Variants in KHDRBS2 observed in about 807,000 individuals in gnomAD.
KHDRBS2 encodes KH RNA binding domain containing, signal transduction associated 2.
A neutral mutation model predicts 44.3 loss-of-function variants in KHDRBS2; 26 were observed. That is an observed-to-expected ratio of 0.59 (90% CI 0.43 to 0.81). KHDRBS2 has a LOEUF of 0.81. Ranked by LOEUF, KHDRBS2 falls within the 40% of genes least tolerant of loss-of-function variation. KHDRBS2 has a pLI of 0.00. For missense variants in KHDRBS2, 476 were observed against 433.1 expected, an observed-to-expected ratio of 1.10 and a Z score of -0.88; for synonymous variants, 194 against 151.1, an observed-to-expected ratio of 1.28 and a Z score of -2.08.
intron 2 of KHDRBS2, among the ~76,000 whole-genome samples, chr6:62,059,848 GTAAA>G (rs1385038419): frequency 6.6e-6 from 1 of 151,520 alleles, no homozygotes; most frequent in South Asian, 2.1e-4. Context: ...AGGAAGAAGG[GTAAA>G]TAATTTCTGG....
chr6:62,184,329 G>A (rs1365331279), intron 1 of KHDRBS2, among the ~76,000 whole-genome samples: 1 of 151,634 alleles, frequency 6.6e-6, no homozygotes, highest in Non-Finnish European at 1.5e-5. Flanking sequence ...TCACGAGAAA[G>A]ATAGAAAATT....
At chr6:61,913,722 G>A (rs1292103659) in intron 4 of KHDRBS2, among the ~76,000 whole-genome samples, 1 of 151,966 alleles carries the variant, frequency 6.6e-6, no homozygotes, top group Non-Finnish European at 1.5e-5. Flanking sequence ...GGCTGGTTTA[G>A]ATGGGAAGTC....
intron 4 of KHDRBS2, among the ~76,000 whole-genome samples, chr6:61,976,703 G>T (rs1261888682): frequency 2.0e-5 from 3 of 152,042 alleles, no homozygotes; most frequent in South Asian, 2.1e-4. Flanking sequence ...GAAGCTTTGA[G>T]AATTTAAATG....
intron 7 of KHDRBS2, among the ~76,000 whole-genome samples, chr6:61,704,665 T>C (rs1156440357): frequency 6.6e-6 from 1 of 151,846 alleles, no homozygotes; most frequent in African/African-American, 2.4e-5. Flanking sequence ...GAGGGAAGCA[T>C]GATTATATTT....
chr6:61,994,016 G>T (rs1776708111), intron 3 of KHDRBS2, among the ~76,000 whole-genome samples: 1 of 152,106 alleles, frequency 6.6e-6, no homozygotes, highest in Non-Finnish European at 1.5e-5. Flanking sequence ...CCTGAGGCTG[G>T]ATCCTGATCT....
chr6:61,724,103 C>T (rs1322847114), intron 7 of KHDRBS2, among the ~76,000 whole-genome samples: 1 of 152,132 alleles, frequency 6.6e-6, no homozygotes, highest in East Asian at 1.9e-4. Flanking sequence ...GCCTATCAGA[C>T]TAGTGGAGAA....
At chr6:61,992,165 C>A (rs114789195) in intron 3 of KHDRBS2, among the ~76,000 whole-genome samples, 215 of 152,240 alleles carry the variant, frequency 1.4e-3, no homozygotes, top group Non-Finnish European at 2.6e-3. Flanking sequence ...CAAACTTGAT[C>A]ATATTAGTTC....
intron 2 of KHDRBS2, among the ~76,000 whole-genome samples, chr6:62,067,424 A>G (rs988942299): frequency 1.3e-5 from 2 of 151,492 alleles, no homozygotes; most frequent in African/African-American, 4.8e-5. Context: ...ACTAATTAAG[A>G]GCTCTGCTGA....
intron 3 of KHDRBS2, among the ~76,000 whole-genome samples, chr6:62,021,702 G>C (rs1477287882): frequency 6.6e-6 from 1 of 151,402 alleles, no homozygotes; most frequent in African/African-American, 2.4e-5. Flanking sequence ...GAAAATCAAA[G>C]ATCTTTTGAT....
the KHDRBS2 span, among the ~76,000 whole-genome samples, chr6:61,573,465 A>C: frequency 6.6e-6 from 1 of 152,146 alleles, no homozygotes; most frequent in Non-Finnish European, 1.5e-5. Flanking sequence ...AACTAGAAAA[A>C]AAAGAAACAA....
chr6:62,071,013 A>C (rs1296513011), intron 2 of KHDRBS2, among the ~76,000 whole-genome samples: 11 of 151,832 alleles, frequency 7.2e-5, no homozygotes, highest in East Asian at 5.8e-4. Flanking sequence ...TGTTTCCTGA[A>C]TTTTTAATGA....
the KHDRBS2 span, among the ~76,000 whole-genome samples, chr6:61,559,517 A>C: frequency 1.3e-5 from 2 of 152,256 alleles, no homozygotes; most frequent in South Asian, 2.1e-4. Context: ...ATTTTAAAGA[A>C]GGTAATTTTC....
intron 2 of KHDRBS2, among the ~76,000 whole-genome samples, chr6:62,065,674 C>T (rs1395775575): frequency 1.4e-5 from 2 of 146,432 alleles, no homozygotes; most frequent in African/African-American, 5.0e-5. Flanking sequence ...GGGAGATATA[C>T]CTAATGCTAG....
At chr6:62,281,508 T>A (rs1841795338) in intron 1 of KHDRBS2, among the ~76,000 whole-genome samples, 1 of 152,082 alleles carries the variant, frequency 6.6e-6, no homozygotes, top group African/African-American at 2.4e-5. Context: ...TAATCCCAGC[T>A]ACTTGGGAGG....
intron 6 of KHDRBS2, among the ~76,000 whole-genome samples, chr6:61,848,384 A>G (rs1034346819): frequency 2.7e-5 from 4 of 146,248 alleles, no homozygotes; most frequent in African/African-American, 1.0e-4. Flanking sequence ...TTGCATGTCC[A>G]ACACTAAGAT....
chr6:62,193,723 T>G (rs1316236213), intron 1 of KHDRBS2, among the ~76,000 whole-genome samples: 1 of 152,172 alleles, frequency 6.6e-6, no homozygotes, highest in Non-Finnish European at 1.5e-5. Flanking sequence ...CCAGGATCTC[T>G]GCATCTTCAC....
chr6:61,848,665 A>T (rs1795011843), intron 6 of KHDRBS2, among the ~76,000 whole-genome samples: 1 of 141,736 alleles, frequency 7.1e-6, no homozygotes, highest in Non-Finnish European at 1.5e-5. Flanking sequence ...ATCTCAACTG[A>T]TCTCTCTGAA....
chr6:62,067,592 C>G (rs193152646), intron 2 of KHDRBS2, among the ~76,000 whole-genome samples: 1 of 151,470 alleles, frequency 6.6e-6, no homozygotes, highest in Non-Finnish European at 1.5e-5. Flanking sequence ...ATATAGTTTA[C>G]GTACCATAAA....
chr6:61,868,269 T>C (rs923996140), intron 6 of KHDRBS2, among the ~76,000 whole-genome samples: 1 of 152,060 alleles, frequency 6.6e-6, no homozygotes, highest in African/African-American at 2.4e-5. Flanking sequence ...TGCATCATCT[T>C]GGACTCTAAA....
Sources: gnomAD v4.1 joint callset for allele counts (sites outside exome capture counted in the v4.1 genomes callset) on GRCh38, gnomAD v4.1.1 for gene constraint, MANE v1.5 for transcripts, NCBI Gene and HGNC (gene_info 2026-07-23, HGNC 2026-07-21) for gene names.